ARHGEF1: variants seen among roughly 807,000 people sequenced by gnomAD.
ARHGEF1 encodes the protein Rho guanine nucleotide exchange factor 1, also known as 115 kDa guanine nucleotide exchange factor.
A neutral mutation model predicts 119.7 loss-of-function variants in ARHGEF1; 40 were observed. The ratio of observed to expected loss-of-function variants is 0.33; its 90% CI spans 0.26 to 0.44. The LOEUF is 0.44. ARHGEF1 is among the 20% of genes least tolerant of loss of function. ARHGEF1 has a pLI of 1.00. For missense variants in ARHGEF1, 976 were observed against 1,268.3 expected, an observed-to-expected ratio of 0.77 and a Z score of 3.50; for synonymous variants, 494 against 521.0, an observed-to-expected ratio of 0.95 and a Z score of 0.71.
chr19:41,920,038 TACGC>T (rs2074829853), upstream of ARHGEF1, among the ~76,000 whole-genome samples: 1 of 92,244 alleles, frequency 1.1e-5, no homozygotes, highest in African/African-American at 4.4e-5. Flanking sequence ...ACAGACATGA[TACGC>T]TCACAGACAT....
chr19:41,883,786 T>C lies in ARHGEF1; in HGVS notation c.-20+497T>C, dbSNP rs1302350990. Among the ~76,000 whole-genome samples, 1 of 152,218 alleles carries C rather than the reference T, an allele frequency of 6.6e-6. No homozygotes were observed. Among genetic ancestry groups the C allele is most frequent in the African/African-American group, 2.4e-5 (1 of 41,466 alleles). On this transcript the variant is annotated intron_variant, in intron 1 of 28. Transcript: ENST00000354532. The surrounding 1 kb of genome is among the most constrained non-coding windows in gnomAD (Gnocchi z 7.6). ...GTGAAGCTGAAAGTTGCAGAGTGCA[T>C]TTGAAAGAGTTTTCGGAAAGCTCTT...
Position 41,892,995 on chromosome 19 carries a change from G to A in ARHGEF1, c.614+146G>A, listed in dbSNP as rs1246687388. ...GCACTGGGGGTCTTCCTCTACCCTG[G>A]TGTTTTAACTCACCTTGAATCCGAG... On this transcript the variant is annotated intron_variant, in intron 7 of 28. Coordinates refer to ENST00000354532, the MANE Select transcript of ARHGEF1 (RefSeq NM_004706.4). The surrounding 1 kb of genome is among the most constrained non-coding windows in gnomAD (Gnocchi z 6.3). The A allele has an allele frequency of 8.0e-7, 1 of 1,256,696 alleles. No homozygotes were observed. The highest frequency in any genetic ancestry group is 1.1e-6 in the Non-Finnish European group (1 of 940,430). The allele number at this position is 1,256,696 out of a possible 1,614,324, so 77.8% of individuals were successfully genotyped here.
At position 41,894,369 on chromosome 19, in the gene ARHGEF1, ACT is replaced by A; in HGVS notation, c.744+66_744+67del. The A allele has an allele frequency of 4.6e-6, 7 of 1,515,732 alleles. No homozygotes were observed. In the South Asian group the frequency reaches 9.2e-5, roughly 20 times the overall value. The allele number at this position is 1,515,732 out of a possible 1,614,324, so 93.9% of individuals were successfully genotyped here. A position where few individuals can be genotyped will look rare whatever the true frequency, so the allele number is the denominator to read the frequency against. On this transcript the variant is annotated intron_variant, in intron 9 of 28. Coordinates refer to ENST00000354532, the MANE Select transcript of ARHGEF1 (RefSeq NM_004706.4). ...CCAGAGACGCCCTGGGAGCCTCATG[ACT>A]CTGGATACCTAGCGTCAAATTCTGC...
chr19:41,901,286 A>G (rs2074601165), intron 14 of ARHGEF1, among the ~76,000 whole-genome samples: 1 of 151,656 alleles, frequency 6.6e-6, no homozygotes, highest in Non-Finnish European at 1.5e-5. Flanking sequence ...AGTAGCTGGG[A>G]CTACAAGAGT....
chr19:41,894,690 A>G (rs1021336483), intron 11 of ARHGEF1, 29 bp downstream of exon 11: 2 of 1,612,818 alleles, frequency 1.2e-6, no homozygotes, highest in Non-Finnish European at 1.7e-6. Context: ...TAGCATCCAT[A>G]CTGGGGGCCT....
Position 41,902,073 on chromosome 19 carries a change from C to A in ARHGEF1, c.1414+40C>A, listed in dbSNP as rs2074612882. ...AGGGTCCCTCTGTGTACCCCACTGC[C>A]CCACGGGCAGCTCTGCTCTAGCCCT... On this transcript the variant is annotated intron_variant, in intron 15 of 28. Coordinates refer to ENST00000354532, the MANE Select transcript of ARHGEF1 (RefSeq NM_004706.4). The surrounding 1 kb of genome is among the most constrained non-coding windows in gnomAD (Gnocchi z 6.5). 1.9e-6 allele frequency: 3 copies of A among 1,603,962 alleles called. No homozygotes were observed. The highest frequency in any genetic ancestry group is 2.7e-5 in the African/African-American group (2 of 74,942).
Position 41,892,203 on chromosome 19 carries a change from C to T in ARHGEF1, c.324+80C>T. 1 of 1,563,206 alleles carries T rather than the reference C, an allele frequency of 6.4e-7. No individual in the cohort carries two copies. Among genetic ancestry groups the T allele is most frequent in the Admixed American group, 1.7e-5 (1 of 58,980 alleles). ...TCACCATGCGGTCCCCAGCCTCTGC[C>T]CTGAGGGCAGCTGCTGACCCAGGCC... is the stretch of plus-strand genomic sequence containing the variant. On this transcript the variant is annotated intron_variant, in intron 5 of 28. Coordinates refer to ENST00000354532, the MANE Select transcript of ARHGEF1 (RefSeq NM_004706.4). This position sits in a 1 kb window ranked among gnomAD's most constrained non-coding sequence, Gnocchi z 6.3.
downstream of ARHGEF1, chr19:41,909,454 C>T (rs1283649136): frequency 1.9e-5 from 24 of 1,239,176 alleles, no homozygotes; most frequent in Non-Finnish European, 2.2e-5. The surrounding 1 kb of genome is among the most constrained non-coding windows in gnomAD (Gnocchi z 5.2). Context: ...GTGGAGAATC[C>T]GCTTGTTGTA....
chr19:41,903,286 T>A lies in ARHGEF1; in HGVS notation c.1739-21T>A. On this transcript the variant is annotated intron_variant, in intron 18 of 28. Transcript: ENST00000354532. This position sits in a 1 kb window ranked among gnomAD's most constrained non-coding sequence, Gnocchi z 4.2. Reference sequence around the variant, plus strand: ...CTCCAGGGCAGGGGTTCACCAGAGCTGCTCTCTCCCTTGCCTGCAGAAGAG... The same window carrying A: ...CTCCAGGGCAGGGGTTCACCAGAGCAGCTCTCTCCCTTGCCTGCAGAAGAG... 1 of 1,610,216 alleles carries A rather than the reference T, an allele frequency of 6.2e-7. No individual in the cohort carries two copies. The highest frequency in any genetic ancestry group is 8.5e-7 in the Non-Finnish European group (1 of 1,176,808).
downstream of ARHGEF1, chr19:41,910,191 TCTC>T (rs2074744320): frequency 1.7e-6 from 2 of 1,197,504 alleles, no homozygotes; most frequent in East Asian, 5.1e-5. The surrounding 1 kb of genome is among the most constrained non-coding windows in gnomAD (Gnocchi z 4.4). Context: ...GGCATGTAGT[TCTC>T]CTCCAGTCTC....
chr19:41,905,587 C>T lies in ARHGEF1; in HGVS notation c.2337-173C>T. On this transcript the variant is annotated intron_variant, in intron 24 of 28. Transcript: ENST00000354532. The surrounding 1 kb of genome is among the most constrained non-coding windows in gnomAD (Gnocchi z 6.4). The stretch of plus-strand genomic sequence containing the variant: ...CACTGCCCCGTCTGTCTCCTGTCTC[C>T]AGGCCTCTGTGTCTTCCATTGTCTG... 1.5e-6 allele frequency: 1 copy of T among 677,870 alleles called. No homozygotes were observed. The highest frequency in any genetic ancestry group is 1.8e-5 in the African/African-American group (1 of 55,478). The allele number at this position is 677,870 out of a possible 1,614,324, so 42.0% of individuals were successfully genotyped here.
rs556188991 is a variant in ARHGEF1, at chr19:41,883,910, T to C, written c.-20+621T>C. Among the ~76,000 whole-genome samples the C allele has an allele frequency of 5.8e-4, 89 of 152,158 alleles. No individual in the cohort carries two copies. The highest frequency in any genetic ancestry group is 1.9e-3 in the South Asian group (9 of 4,824). ...GGGAAGACTGAGGTCTACAGAGAAG[T>C]CATTACTTTTTGCAGATTACACTGC... On this transcript the variant is annotated intron_variant, in intron 1 of 28. Coordinates refer to ENST00000354532, the MANE Select transcript of ARHGEF1 (RefSeq NM_004706.4). This position sits in a 1 kb window ranked among gnomAD's most constrained non-coding sequence, Gnocchi z 7.6.
intron 28 of ARHGEF1, 60 bp from the exon 29 acceptor site, chr19:41,907,043 CTG>C (rs2074712945): frequency 1.4e-6 from 2 of 1,394,660 alleles, no homozygotes; most frequent in Non-Finnish European, 1.9e-6. Context: ...GTCTCTGTGT[CTG>C]TCTCTCCCTG....
In ARHGEF1 at chr19:41,914,082, C is replaced by CT. The variant is rs1461672596; in HGVS notation, c.1865+7279_1865+7280insT. Among the ~76,000 whole-genome samples the CT allele has an allele frequency of 1.4e-3, 214 of 150,660 alleles. 3 individuals carry two copies. The highest frequency in any genetic ancestry group is 5.0e-3 in the African/African-American group (204 of 40,880). On this transcript the variant is annotated intron_variant, in intron 18 of 20. Transcript: ENST00000599589. ...TGTTCCCCCGTGAGCCCCGCCTACC[C>CT]CTGGACACTGGACAAAACTTTTCAG...
In ARHGEF1 at chr19:41,906,431, C is replaced by T; in HGVS notation, c.2492-26C>T. On this transcript the variant is annotated intron_variant, in intron 26 of 28. Coordinates refer to ENST00000354532, the MANE Select transcript of ARHGEF1 (RefSeq NM_004706.4). The surrounding 1 kb of genome is among the most constrained non-coding windows in gnomAD (Gnocchi z 4.5). Reference sequence around the variant, plus strand: ...CCAGCCCAGCCCCCTGGTCTCCTGACTCCACCCCTCCTTGCCCCTGGCCAG... The same window carrying T: ...CCAGCCCAGCCCCCTGGTCTCCTGATTCCACCCCTCCTTGCCCCTGGCCAG... 2.0e-6 allele frequency: 3 copies of T among 1,532,174 alleles called. No individual in the cohort carries two copies. The highest frequency in any genetic ancestry group is 2.6e-6 in the Non-Finnish European group (3 of 1,144,654). The allele number at this position is 1,532,174 out of a possible 1,614,324, so 94.9% of individuals were successfully genotyped here.
intron 1 of ARHGEF1, among the ~76,000 whole-genome samples, chr19:41,924,251 G>C (rs1376172521): frequency 6.6e-6 from 1 of 151,906 alleles, no homozygotes; most frequent in Non-Finnish European, 1.5e-5. Context: ...GATGAGGGAG[G>C]TAAGGACACC....
At chr19:41,913,348 G>A (rs1555851440) in intron 18 of ARHGEF1, among the ~76,000 whole-genome samples, 1 of 150,928 alleles carries the variant, frequency 6.6e-6, no homozygotes, top group African/African-American at 2.4e-5. Context: ...CTCCCGGGTC[G>A]GTCGGTCCCT....
intron 1 of ARHGEF1, among the ~76,000 whole-genome samples, chr19:41,887,501 A>C (rs1461486715): frequency 6.6e-6 from 1 of 151,652 alleles, no homozygotes; most frequent in Non-Finnish European, 1.5e-5. Context: ...CTGAGGGAGG[A>C]GGGTTCTGAG....
downstream of ARHGEF1, among the ~76,000 whole-genome samples, chr19:41,911,579 G>A (rs1235647848): frequency 3.5e-5 from 5 of 144,334 alleles, no homozygotes; most frequent in Admixed American, 2.0e-4. Context: ...CCTGAAGGCC[G>A]GGGAGCTCCA....
Sources: gnomAD v4.1 joint callset for allele counts (sites outside exome capture counted in the v4.1 genomes callset) on GRCh38, gnomAD v4.1.1 for gene constraint, Gnocchi (gnomAD v3.1) non-coding constraint, MANE v1.5 for transcripts, NCBI Gene and HGNC (gene_info 2026-07-23, HGNC 2026-07-21) for gene names.